ZC3H7A: variants seen among roughly 807,000 people sequenced by gnomAD.
ZC3H7A encodes the protein zinc finger CCCH-type containing 7A.
Under a neutral mutation model 125.5 loss-of-function variants are expected in ZC3H7A, and 44 were observed. The ratio of observed to expected loss-of-function variants is 0.35; its 90% CI spans 0.28 to 0.45. ZC3H7A has a LOEUF of 0.45. Ranked by LOEUF, ZC3H7A falls within the 20% of genes least tolerant of loss-of-function variation. The pLI is 1.00. For missense variants in ZC3H7A, 977 were observed against 1,170.7 expected (o/e 0.83, Z 2.41); for synonymous variants, 399 against 391.2 (o/e 1.02, Z -0.23).
rs34972921 is a variant in ZC3H7A, at chr16:11,791,088, AACACACACACACACAC to A, written c.-35+6020_-35+6035del. Among the ~76,000 whole-genome samples the A allele has an allele frequency of 2.0e-3, 276 of 136,114 alleles. 4 individuals carry two copies. The highest frequency in any genetic ancestry group is 0.017 in the Admixed American group (228 of 13,516). The allele number at this position is 136,114 out of a possible 152,430, so 89.3% of individuals were successfully genotyped here. On this transcript the variant is annotated intron_variant, in intron 1 of 22. Coordinates refer to ENST00000355758, the MANE Select transcript of ZC3H7A (RefSeq NM_014153.4). ...CCCTGTCTCTAAAATAAATTTTTAA[AACACACACACACACAC>A]ACACACACACACACACACACACACA...
At chr16:11,777,225 C>A (rs543219428) in intron 4 of ZC3H7A, among the ~76,000 whole-genome samples, 1 of 152,132 alleles carries the variant, frequency 6.6e-6, no homozygotes, top group South Asian at 2.1e-4. Flanking sequence ...CTCTCCTATT[C>A]GCTCCTCTGT....
Position 11,764,845 on chromosome 16 carries a change from C to T in ZC3H7A, c.1820+208G>A, listed in dbSNP as rs139387833. The T allele has an allele frequency of 1.5e-3, 614 of 411,012 alleles. 1 individual carries two copies. The highest frequency in any genetic ancestry group is 1.2e-3 in the Non-Finnish European group (286 of 234,128). The allele number at this position is 411,012 out of a possible 1,614,324, so 25.5% of individuals were successfully genotyped here. A position where few individuals can be genotyped will look rare whatever the true frequency, so the allele number is the denominator to read the frequency against. On this transcript the variant is annotated intron_variant, in intron 15 of 22. Transcript: ENST00000355758. Reference sequence around the variant, plus strand: ...CATGAGAAACTATACATCAATAATGCTTTTCTGTTTTACATAATATATTTA... The same window carrying T: ...CATGAGAAACTATACATCAATAATGTTTTTCTGTTTTACATAATATATTTA...
intron 4 of ZC3H7A, among the ~76,000 whole-genome samples, chr16:11,778,523 T>C (rs751418389): frequency 6.6e-6 from 1 of 151,468 alleles, no homozygotes; most frequent in South Asian, 2.1e-4. Flanking sequence ...GACTAAGATG[T>C]TAACTGTGAA....
chr16:11,758,106 G>A (rs753401214), intron 20 of ZC3H7A, among the ~76,000 whole-genome samples: 15 of 152,154 alleles, frequency 9.9e-5, no homozygotes, highest in Non-Finnish European at 1.8e-4. Context: ...ACGAGCAGAT[G>A]ATCTGATTTA....
At chr16:11,766,284 G>C (rs1209194464) in intron 13 of ZC3H7A, among the ~76,000 whole-genome samples, 1 of 152,200 alleles carries the variant, frequency 6.6e-6, no homozygotes, top group Admixed American at 6.5e-5. Flanking sequence ...CTGGTCATAG[G>C]CCAAGCGTGG....
At chr16:11,764,267 G>A (rs1470165028) in intron 15 of ZC3H7A, among the ~76,000 whole-genome samples, 1 of 152,078 alleles carries the variant, frequency 6.6e-6, no homozygotes, top group Admixed American at 6.6e-5. Context: ...ACAAAAAATT[G>A]TCCAGGCGTG....
rs1164169373 is a variant in ZC3H7A, at chr16:11,761,640, TTA to T, written c.2214-131_2214-130del. 101 of 956,024 alleles carry T rather than the reference TTA, an allele frequency of 1.1e-4. 1 individual carries two copies. In the Admixed American group the frequency reaches 2.7e-3, roughly 25 times the overall value. The allele number at this position is 956,024 out of a possible 1,614,324, so 59.2% of individuals were successfully genotyped here. ...TCTCAATGCTTCTAAAAGAAATACC[TTA>T]TGATTCTGTATTTTCACTTCCTATT... On this transcript the variant is annotated intron_variant, in intron 18 of 22. Transcript: ENST00000355758.
rs748226449 is a variant in ZC3H7A at position 11,767,565 on chromosome 16, C to T, written c.1374G>A (p.Met458Ile). 1 of 1,579,542 alleles carries T rather than the reference C, an allele frequency of 6.3e-7. No individual in the cohort carries two copies. Among genetic ancestry groups the T allele is most frequent in the South Asian group, 1.2e-5 (1 of 84,902 alleles). The change falls in exon 13 of 23, where the codon ATG becomes ATA. Residue 458 changes from methionine (M) to isoleucine (I), a missense_variant. Transcript: ENST00000355758. ...CTATGTTAGCATGGTAAGTGAAATCCATTAACTTAGGGCCTGAAAAAGATG... is the reference window on the plus strand; with the variant it reads ...CTATGTTAGCATGGTAAGTGAAATCTATTAACTTAGGGCCTGAAAAAGATG... ...ICFVKSGPKL[M>I]DFTYHANIDH...
intron 1 of ZC3H7A, among the ~76,000 whole-genome samples, chr16:11,783,894 T>G (rs1004597985): frequency 2.0e-5 from 3 of 152,180 alleles, no homozygotes; most frequent in Non-Finnish European, 4.4e-5. Context: ...ATTTTTGTCC[T>G]ATAAAGTTGG....
chr16:11,797,072 G>C (rs1032161960), intron 1 of ZC3H7A, 52 bp downstream of exon 1: 3 of 142,914 alleles, frequency 2.1e-5, no homozygotes, highest in African/African-American at 5.4e-5. Context: ...GGGGGGCGGG[G>C]GCGCGGGCGC....
chr16:11,761,551 A>G (rs1441166342), intron 18 of ZC3H7A, 40 bp from the exon 19 acceptor site: 1 of 1,604,154 alleles, frequency 6.2e-7, no homozygotes, highest in Non-Finnish European at 8.5e-7. Flanking sequence ...AAGACACACG[A>G]GCAAAAGACA....
intron 12 of ZC3H7A, among the ~76,000 whole-genome samples, chr16:11,767,887 C>G (rs1567380148): frequency 6.6e-6 from 1 of 152,146 alleles, no homozygotes; most frequent in East Asian, 1.9e-4. Flanking sequence ...GTTTATGTCA[C>G]TTGATTTAAC....
At position 11,761,919 on chromosome 16, in the gene ZC3H7A, G is replaced by C; in HGVS notation, c.2204C>G (p.Ala735Gly). Residue 735 changes from alanine to glycine, a missense_variant, in exon 18 of 23, where the codon GCA becomes GGA. Transcript: ENST00000355758. ...CACACACAATACTTACGAATGCCTT[G>C]CTTTTGCACTACAATATTTTCTGTT... ...DKNRKYCSAK[A>G]RHSWTKDRRA... The C allele has an allele frequency of 1.2e-6, 2 of 1,612,088 alleles. No individual in the cohort carries two copies. Among genetic ancestry groups the C allele is most frequent in the Non-Finnish European group, 8.5e-7 (1 of 1,179,594 alleles).
At chr16:11,773,190 T>G (rs938194189) in intron 9 of ZC3H7A, among the ~76,000 whole-genome samples, 1 of 151,920 alleles carries the variant, frequency 6.6e-6, no homozygotes, top group Non-Finnish European at 1.5e-5. Context: ...TTTTATTGAT[T>G]GACTGATTGA....
rs1227634673 is a variant in ZC3H7A at position 11,770,644 on chromosome 16, G to A, written c.1108+139C>T. 3 of 868,976 alleles carry A rather than the reference G, an allele frequency of 3.5e-6. No homozygotes were observed. The East Asian group carries it at 8.1e-5, about 24-fold the overall frequency. The allele number at this position is 868,976 out of a possible 1,614,324, so 53.8% of individuals were successfully genotyped here. On this transcript the variant is annotated intron_variant, in intron 10 of 22. Transcript: ENST00000355758. Reference sequence around the variant, plus strand: ...AGTCAAGGTAAATTCAAAACTGAAGGCTTAGTCTTTATATTTTTAGCTACA... The same window carrying A: ...AGTCAAGGTAAATTCAAAACTGAAGACTTAGTCTTTATATTTTTAGCTACA...
intron 1 of ZC3H7A, among the ~76,000 whole-genome samples, chr16:11,794,432 T>C (rs561649790): frequency 4.3e-4 from 65 of 152,350 alleles, no homozygotes; most frequent in Non-Finnish European, 7.5e-4. Context: ...GGATTAATAC[T>C]TTAATACTTC....
At chr16:11,792,766 C>T (rs2053374160) in intron 1 of ZC3H7A, among the ~76,000 whole-genome samples, 1 of 152,210 alleles carries the variant, frequency 6.6e-6, no homozygotes, top group African/African-American at 2.4e-5. Context: ...GGCTCCAAGC[C>T]TGAGAGCCTA....
At chr16:11,789,341 G>A (rs200054383) in intron 1 of ZC3H7A, among the ~76,000 whole-genome samples, 3 of 151,798 alleles carry the variant, frequency 2.0e-5, no homozygotes, top group East Asian at 3.9e-4. Flanking sequence ...TCCAGCCTCC[G>A]CTTCCTGGGT....
chr16:11,773,022 A>C (rs1021355127), intron 9 of ZC3H7A, among the ~76,000 whole-genome samples: 4 of 151,840 alleles, frequency 2.6e-5, no homozygotes, highest in African/African-American at 9.7e-5. Context: ...ATGGACACTA[A>C]GTATTTTAGG....
Sources: gnomAD v4.1 joint callset for allele counts (sites outside exome capture counted in the v4.1 genomes callset) on GRCh38, gnomAD v4.1.1 for gene constraint, MANE v1.5 for transcripts, NCBI Gene and HGNC (gene_info 2026-07-23, HGNC 2026-07-21) for gene names.